The following STAT2 variants were observed in gnomAD, a reference collection of about 807,000 sequenced individuals.
STAT2 encodes the protein signal transducer and activator of transcription 2, also known as interferon alpha induced transcriptional activator.
STAT2 carries 51 observed loss-of-function variants against 122.3 expected under a neutral mutation model. The observed-to-expected ratio is 0.42, with a 90% CI of 0.33 to 0.53. The LOEUF is 0.53. STAT2 is among the 20% of genes least tolerant of loss of function. The pLI is 0.10. For missense variants in STAT2, 736 were observed against 1,010.3 expected (o/e 0.73, Z 3.68); for synonymous variants, 351 against 394.9 (o/e 0.89, Z 1.32).
rs1323608955 is a variant in STAT2, at chr12:56,348,385, C to A, written c.1724+144G>T. 4.9e-6 allele frequency: 4 copies of A among 812,882 alleles called. No individual in the cohort carries two copies. The East Asian group carries it at 7.9e-5, about 16-fold the overall frequency. 50.4% of individuals were successfully genotyped at this position (812,882 alleles called of 1,614,324 possible). On this transcript the variant is annotated intron_variant, in intron 19 of 23. Coordinates refer to ENST00000314128, the MANE Select transcript of STAT2 (RefSeq NM_005419.4). The stretch of plus-strand genomic sequence containing the variant: ...TACAGGTGTGAGCCACCACACCCGG[C>A]CTTATTATTGTTAACAAATGTGAGG...
chr12:56,350,910 G>A (rs755771600), intron 10 of STAT2, 22 bp from the exon 11 acceptor site: 3 of 1,613,922 alleles, frequency 1.9e-6, no homozygotes, highest in Non-Finnish European at 2.5e-6. Context: ...AAGGGGGATA[G>A]GGGAAAGTGG....
At chr12:56,347,023 C>T in intron 19 of STAT2, 68 bp from the exon 20 acceptor site, 1 of 1,586,928 alleles carries the variant, frequency 6.3e-7, no homozygotes. Context: ...TGCCTCCCTG[C>T]TCCCCTTGTA....
chr12:56,346,692 G>C, intron 20 of STAT2, 68 bp from the exon 21 acceptor site: 1 of 1,602,666 alleles, frequency 6.2e-7, no homozygotes, highest in Non-Finnish European at 8.5e-7. Flanking sequence ...CTCTGCTCTG[G>C]CTGCCCAGTC....
At chr12:56,345,241 G>A (rs1447145669) in intron 22 of STAT2, among the ~76,000 whole-genome samples, 1 of 146,448 alleles carries the variant, frequency 6.8e-6, no homozygotes, top group Admixed American at 6.9e-5. Flanking sequence ...CTACAATCCC[G>A]GCAATTTGGG....
Position 56,356,522 on chromosome 12 carries a change from T to G in STAT2, c.50A>C (p.Gln17Pro). ...GCTGTGCGAGTAAAGCTGGTGCAGC[T>G]GATCCTGAAAGGGGCTGTCAAGATT... ...LQNLDSPFQDQLHQLYSHSLL... is the reference protein window; with the variant it reads ...LQNLDSPFQDPLHQLYSHSLL... Residue 17 changes from glutamine to proline, a missense_variant, in exon 2 of 24, where the codon CAG becomes CCG. Physicochemically the swap from Gln to Pro is moderately conservative, Grantham distance 76. Transcript: ENST00000314128. The G allele has an allele frequency of 6.2e-7, 1 of 1,614,264 alleles. No homozygotes were observed. Among genetic ancestry groups the G allele is most frequent in the South Asian group, 1.1e-5 (1 of 91,092 alleles).
intron 1 of STAT2, among the ~76,000 whole-genome samples, chr12:56,358,231 CTTTTTTTTTTCTTT>C (rs1390988439): frequency 3.3e-4 from 46 of 140,822 alleles, no homozygotes; most frequent in East Asian, 1.0e-3. Context: ...GGCTCTGAAG[CTTTTTTTTTTCTTT>C]TTTTTTTTTT....
chr12:56,356,517 G>A lies in STAT2; in HGVS notation c.55C>T (p.His19Tyr), dbSNP rs1879538413. The part of the protein sequence containing the change: ...NLDSPFQDQL[H>Y]QLYSHSLLPV... ...AGGAGGCTGTGCGAGTAAAGCTGGT[G>A]CAGCTGATCCTGAAAGGGGCTGTCA... is the stretch of plus-strand genomic sequence containing the variant. The change falls in exon 2 of 24, where the codon CAC (histidine) becomes TAC (tyrosine). Residue 19 changes from histidine to tyrosine, a missense_variant. Physicochemically the swap from His to Tyr is moderately conservative, Grantham distance 83. Transcript: ENST00000314128. 1.2e-6 allele frequency: 2 copies of A among 1,614,100 alleles called. No homozygotes were observed. Among genetic ancestry groups the A allele is most frequent in the African/African-American group, 1.3e-5 (1 of 74,928 alleles).
chr12:56,353,118 G>A (rs1878808722), intron 8 of STAT2, among the ~76,000 whole-genome samples: 1 of 152,060 alleles, frequency 6.6e-6, no homozygotes, highest in Admixed American at 6.6e-5. Flanking sequence ...TGAGTAGCTG[G>A]GAATACAGGC....
intron 15 of STAT2, 28 bp from the exon 16 acceptor site, chr12:56,349,289 G>C: frequency 6.2e-7 from 1 of 1,614,118 alleles, no homozygotes; most frequent in Non-Finnish European, 8.5e-7. Context: ...GTCACAGAGA[G>C]GGATGTGATG....
intron 22 of STAT2, 146 bp downstream of exon 22, chr12:56,346,000 A>C: frequency 6.4e-7 from 1 of 1,564,914 alleles, no homozygotes; most frequent in Non-Finnish European, 8.7e-7. Flanking sequence ...AGAAGGCAGA[A>C]AGGAGAGGCT....
chr12:56,345,016 A>C (rs1199601112), intron 22 of STAT2, among the ~76,000 whole-genome samples: 1 of 138,786 alleles, frequency 7.2e-6, no homozygotes, highest in Non-Finnish European at 1.5e-5. Context: ...TCAAAAAAAA[A>C]ACAAAAATTA....
In STAT2 at chr12:56,356,260, C is replaced by T; in HGVS notation, c.157G>A (p.Asp53Asn). The T allele has an allele frequency of 1.2e-6, 2 of 1,612,092 alleles. No individual in the cohort carries two copies. The highest frequency in any genetic ancestry group is 2.2e-5 in the East Asian group (1 of 44,894). ...AAGAATAGCATGGTAGCCTTGGAATCATCACTCCCAAGTGCAGCTTCCTGC... is the reference window on the plus strand; with the variant it reads ...AAGAATAGCATGGTAGCCTTGGAATTATCACTCCCAAGTGCAGCTTCCTGC... ...NWQEAALGSDDSKATMLFFHF... is the reference protein window; with the variant it reads ...NWQEAALGSDNSKATMLFFHF... Residue 53 changes from aspartate to asparagine, a missense_variant, in exon 3 of 24, where the codon GAT (aspartate) becomes AAT (asparagine). Asp to Asn is a conservative substitution (Grantham distance 23). Transcript: ENST00000314128.
chr12:56,356,458 C>A lies in STAT2; in HGVS notation c.114G>T (p.Trp38Cys). The A allele has an allele frequency of 6.2e-7, 1 of 1,614,076 alleles. No individual in the cohort carries two copies. Among genetic ancestry groups the A allele is most frequent in the Non-Finnish European group, 8.5e-7 (1 of 1,180,042 alleles). ...PVDIRQYLAVWIEDQNWQEAA... is the reference protein window; with the variant it reads ...PVDIRQYLAVCIEDQNWQEAA... ...GGCCTCACCAGTTCTGGTCTTCAAT[C>A]CAGACAGCCAAGTACTGTCGAATGT... Residue 38 changes from tryptophan to cysteine, a missense_variant, in exon 2 of 24, where the codon TGG becomes TGT. Physicochemically the swap from Trp to Cys is radical, Grantham distance 215. Coordinates refer to ENST00000314128, the MANE Select transcript of STAT2 (RefSeq NM_005419.4).
In STAT2 at chr12:56,356,195, G is replaced by A; in HGVS notation, c.222C>T (p.Cys74=). ...LDQLNYECGR[C]SQDPESLLLQ... ...GCAACAAGGACTCTGGGTCCTGGCT[G>A]CAACGGCCACACTCATAGTTCAGCT... is the stretch of plus-strand genomic sequence containing the variant. The change falls in exon 3 of 24, where the codon TGC becomes TGT. Residue 74 remains cysteine (C), a synonymous_variant. Transcript: ENST00000314128. The A allele has an allele frequency of 6.2e-7, 1 of 1,614,082 alleles. No homozygotes were observed. Among genetic ancestry groups the A allele is most frequent in the Non-Finnish European group, 8.5e-7 (1 of 1,180,046 alleles).
At chr12:56,343,717 C>A in intron 23 of STAT2, 108 bp downstream of exon 23, 1 of 1,549,530 alleles carries the variant, frequency 6.5e-7, no homozygotes, top group Non-Finnish European at 8.7e-7. Context: ...CAGAATGGAC[C>A]TCTCTCCAAT....
At position 56,354,833 on chromosome 12, in the gene STAT2, G is replaced by A. The variant is rs1427401724; in HGVS notation, c.578C>T (p.Thr193Ile). ...TTCCTGCAGAATCTTCTGCTCTTTG[G>A]TCTGATGGGGGTCCAGAGAGGGTGT... is the stretch of plus-strand genomic sequence containing the variant. ...GKTPSLDPHQ[T>I]KEQKILQETL... The change falls in exon 7 of 24, where the codon ACC becomes ATC. Residue 193 changes from threonine to isoleucine, a missense_variant. By Grantham distance (89) the Thr-to-Ile change is moderately conservative (BLOSUM62 -1). Coordinates refer to ENST00000314128, the MANE Select transcript of STAT2 (RefSeq NM_005419.4). 2.5e-6 allele frequency: 4 copies of A among 1,613,936 alleles called. No individual in the cohort carries two copies. In the African/African-American group the frequency reaches 5.3e-5, roughly 22 times the overall value.
At position 56,351,330 on chromosome 12, in the gene STAT2, G is replaced by A. The variant is rs145152331; in HGVS notation, c.903C>T (p.Asn301=). 80 of 1,614,042 alleles carry A rather than the reference G, an allele frequency of 5.0e-5. No individual in the cohort carries two copies. The highest frequency in any genetic ancestry group is 1.2e-4 in the African/African-American group (9 of 74,908). The change falls in exon 9 of 24, where the codon AAC becomes AAT. Residue 301 remains asparagine (N), a synonymous_variant. Coordinates refer to ENST00000314128, the MANE Select transcript of STAT2 (RefSeq NM_005419.4). ...DPLTKGVDLR[N]AQVTELLQRL... The stretch of plus-strand genomic sequence containing the variant: ...GCTGTAGCAACTCTGTGACCTGGGC[G>A]TTGCGTAGGTCCACCCCTTTGGTCA...
At chr12:56,346,321 T>C (rs1202154827) in intron 21 of STAT2, 118 bp from the exon 22 acceptor site, 5 of 1,557,040 alleles carry the variant, frequency 3.2e-6, no homozygotes, top group African/African-American at 1.4e-5. Context: ...CAGTATCCCA[T>C]GGACGAATCC....
At chr12:56,350,025 G>T in intron 13 of STAT2, 72 bp downstream of exon 13, 1 of 1,379,326 alleles carries the variant, frequency 7.2e-7, no homozygotes, top group East Asian at 2.3e-5. Context: ...CTCCAGCCTG[G>T]GGGACAGAGT....
Sources: allele counts gnomAD v4.1 joint callset (sites outside exome capture counted in the v4.1 genomes callset), GRCh38; gene constraint gnomAD v4.1.1; transcripts MANE v1.5; gene names NCBI Gene and HGNC (gene_info 2026-07-23, HGNC 2026-07-21).